Variants in MRPS27 observed in about 807,000 individuals in gnomAD.
MRPS27 encodes mitochondrial ribosomal protein S27.
MRPS27 carries 43 observed loss-of-function variants against 48.9 expected under a neutral mutation model. That is an observed-to-expected ratio of 0.88 (90% CI 0.69 to 1.13). MRPS27 has a LOEUF of 1.13. Ranked by LOEUF, MRPS27 falls within the 50% of genes most tolerant of loss-of-function variation. MRPS27 has a pLI of 0.00. For missense variants in MRPS27, 467 were observed against 476.3 expected (o/e 0.98, Z 0.18); for synonymous variants, 188 against 171.9 (o/e 1.09, Z -0.73).
chr5:72,269,278 TG>T lies in MRPS27; in HGVS notation c.281+26252del, dbSNP rs1261010111. Among the ~76,000 whole-genome samples, 4 of 152,338 alleles carry T rather than the reference TG, an allele frequency of 2.6e-5. No individual in the cohort carries two copies. The East Asian group carries it at 7.7e-4, about 29-fold the overall frequency. On this transcript the variant is annotated intron_variant, in intron 4 of 10. Transcript: ENST00000261413. ...TAGAAGAGGCAGTGTTTTTCTTGCT[TG>T]CACAAAGATGCCCTAAGGCTACCTG...
At chr5:72,259,446 C>G (rs112913350) in intron 4 of MRPS27, among the ~76,000 whole-genome samples, 1 of 129,496 alleles carries the variant, frequency 7.7e-6, no homozygotes, top group African/African-American at 3.0e-5. Flanking sequence ...CCAGCCTGGG[C>G]AACAAAAGTG....
At chr5:72,304,586 A>C (rs957917295) in intron 2 of MRPS27, among the ~76,000 whole-genome samples, 1 of 152,240 alleles carries the variant, frequency 6.6e-6, no homozygotes, top group Non-Finnish European at 1.5e-5. Context: ...GGGTCACTAC[A>C]TAATGACCAA....
intron 2 of MRPS27, among the ~76,000 whole-genome samples, chr5:72,308,523 G>T (rs774761823): frequency 6.6e-6 from 1 of 152,142 alleles, no homozygotes; most frequent in Non-Finnish European, 1.5e-5. Flanking sequence ...CACGCTACCC[G>T]ACAGCCCCGC....
intron 2 of MRPS27, among the ~76,000 whole-genome samples, chr5:72,312,616 T>C (rs996471903): frequency 2.0e-5 from 3 of 151,922 alleles, no homozygotes; most frequent in East Asian, 3.9e-4. Flanking sequence ...GAAGGAATCA[T>C]ACTGATTTTT....
chr5:72,226,009 T>C, intron 9 of MRPS27, 48 bp downstream of exon 9: 1 of 1,577,390 alleles, frequency 6.3e-7, no homozygotes. Context: ...GCTCAGGTTA[T>C]GGGAAACAGA....
chr5:72,260,501 G>C (rs951537989), intron 4 of MRPS27, among the ~76,000 whole-genome samples: 1 of 152,018 alleles, frequency 6.6e-6, no homozygotes, highest in Admixed American at 6.5e-5. Context: ...CAGCTGCTAC[G>C]GTCTAAGTCA....
chr5:72,250,414 A>G (rs1213670011), intron 4 of MRPS27, among the ~76,000 whole-genome samples: 1 of 152,196 alleles, frequency 6.6e-6, no homozygotes, highest in Admixed American at 6.5e-5. Context: ...GAACCAAACC[A>G]CAGTAATGCT....
intron 4 of MRPS27, among the ~76,000 whole-genome samples, chr5:72,293,334 TG>T (rs1749882128): frequency 6.6e-6 from 1 of 151,732 alleles, no homozygotes; most frequent in Admixed American, 6.6e-5. Context: ...TCAATTTTCT[TG>T]GTAATGGAAG....
In MRPS27 at chr5:72,290,621, C is replaced by T. The variant is rs536788591; in HGVS notation, c.281+4910G>A. Among the ~76,000 whole-genome samples the T allele has an allele frequency of 2.0e-5, 3 of 152,232 alleles. No homozygotes were observed. The East Asian group carries it at 5.8e-4, about 29-fold the overall frequency. ...TCTCTGCATCAGTAAAATAAAGATGCAAATCTAATTCTTAGGAATGCTCTA... is the reference window on the plus strand; with the variant it reads ...TCTCTGCATCAGTAAAATAAAGATGTAAATCTAATTCTTAGGAATGCTCTA... On this transcript the variant is annotated intron_variant, in intron 4 of 10. Coordinates refer to ENST00000261413, the MANE Select transcript of MRPS27 (RefSeq NM_015084.3).
At chr5:72,278,218 G>A (rs1278163393) in intron 4 of MRPS27, among the ~76,000 whole-genome samples, 2 of 151,962 alleles carry the variant, frequency 1.3e-5, no homozygotes, top group Non-Finnish European at 2.9e-5. Flanking sequence ...CGAGGCGGGC[G>A]GATCACGAGG....
At chr5:72,312,666 G>A (rs1474927500) in intron 2 of MRPS27, among the ~76,000 whole-genome samples, 3 of 150,836 alleles carry the variant, frequency 2.0e-5, no homozygotes, top group Non-Finnish European at 4.4e-5. Flanking sequence ...TGTTGCCCAG[G>A]CTAGAGTGTA....
chr5:72,247,825 A>G (rs1046662946), intron 4 of MRPS27, among the ~76,000 whole-genome samples: 1 of 152,194 alleles, frequency 6.6e-6, no homozygotes, highest in Non-Finnish European at 1.5e-5. Context: ...CAATTCCTAT[A>G]GCAGAAATGG....
chr5:72,274,017 T>C (rs1749312536), intron 4 of MRPS27, among the ~76,000 whole-genome samples: 1 of 152,202 alleles, frequency 6.6e-6, no homozygotes, highest in East Asian at 1.9e-4. Context: ...CTACTTTTAA[T>C]TTTTTTTAAC....
chr5:72,253,254 A>G (rs909443302), intron 4 of MRPS27, among the ~76,000 whole-genome samples: 1 of 151,960 alleles, frequency 6.6e-6, no homozygotes, highest in Non-Finnish European at 1.5e-5. Context: ...TATTTTGTCA[A>G]TTTTTGCCTC....
rs1580046833 is a variant in MRPS27, at chr5:72,220,365, G to T, written c.*544C>A. Reference sequence around the variant, plus strand: ...GTGAAACCCCATCTCTACTAAAAATGCAAAAATTAGAAAGGTGTGGTGGTA... The same window carrying T: ...GTGAAACCCCATCTCTACTAAAAATTCAAAAATTAGAAAGGTGTGGTGGTA... On this transcript the variant is annotated 3_prime_UTR_variant, in exon 11 of 11. Coordinates refer to ENST00000261413, the MANE Select transcript of MRPS27 (RefSeq NM_015084.3). 1 of 152,610 alleles carries T rather than the reference G, an allele frequency of 6.6e-6. No individual in the cohort carries two copies. Among genetic ancestry groups the T allele is most frequent in the African/African-American group, 2.4e-5 (1 of 41,422 alleles). The allele number at this position is 152,610 out of a possible 1,614,324, so 9.5% of individuals were successfully genotyped here.
At chr5:72,286,969 C>T (rs1488459706) in intron 4 of MRPS27, among the ~76,000 whole-genome samples, 1 of 152,156 alleles carries the variant, frequency 6.6e-6, no homozygotes, top group Non-Finnish European at 1.5e-5. Context: ...TCTCCAACCC[C>T]CAGGCTGTGG....
At chr5:72,230,376 T>TTA (rs1748024002) in intron 7 of MRPS27, among the ~76,000 whole-genome samples, 1 of 152,236 alleles carries the variant, frequency 6.6e-6, no homozygotes, top group African/African-American at 2.4e-5. Flanking sequence ...AAGAGTTGTC[T>TTA]ATACCTCTAA....
In MRPS27 at chr5:72,223,199, T is replaced by C. The variant is rs542465951; in HGVS notation, c.1005+484A>G. ...CAATGCAAACTGTTTACAGCTTCTA[T>C]GCAGCACAAGAGAACAATACAAAGC... is the stretch of plus-strand genomic sequence containing the variant. On this transcript the variant is annotated intron_variant, in intron 10 of 10. Coordinates refer to ENST00000261413, the MANE Select transcript of MRPS27 (RefSeq NM_015084.3). 2.0e-5 allele frequency among the ~76,000 whole-genome samples: 3 copies of C among 152,338 alleles called. No individual in the cohort carries two copies. The South Asian group carries it at 6.2e-4, about 32-fold the overall frequency.
intron 4 of MRPS27, among the ~76,000 whole-genome samples, chr5:72,255,425 G>C (rs1415871881): frequency 6.6e-6 from 1 of 152,050 alleles, no homozygotes; most frequent in Non-Finnish European, 1.5e-5. Context: ...TGGATATAGG[G>C]CTAAAAGCCT....
Sources: gnomAD v4.1 joint callset for allele counts (sites outside exome capture counted in the v4.1 genomes callset) on GRCh38, gnomAD v4.1.1 for gene constraint, MANE v1.5 for transcripts, NCBI Gene and HGNC (gene_info 2026-07-23, HGNC 2026-07-21) for gene names.